The following CNTNAP2 variants were observed in gnomAD, a reference collection of about 807,000 sequenced individuals.
CNTNAP2 encodes contactin associated protein 2.
In CNTNAP2, 98 loss-of-function variants were observed where a neutral mutation model predicts 155.2. The ratio of observed to expected loss-of-function variants is 0.63; its 90% CI spans 0.54 to 0.75. The LOEUF is 0.75. CNTNAP2 is among the 30% of genes least tolerant of loss of function. CNTNAP2 has a pLI of 0.00. For missense variants in CNTNAP2, 1,727 were observed against 1,688.1 expected (o/e 1.02, Z -0.40); for synonymous variants, 651 against 631.2 (o/e 1.03, Z -0.47).
chr7:146,925,860 C>T (rs1337426024), intron 3 of CNTNAP2, among the ~76,000 whole-genome samples: 3 of 152,020 alleles, frequency 2.0e-5, no homozygotes, highest in East Asian at 1.9e-4. Context: ...AATAAGCTTC[C>T]GAACACACTG....
chr7:147,659,376 A>T (rs1006617906), intron 13 of CNTNAP2, among the ~76,000 whole-genome samples: 1 of 152,238 alleles, frequency 6.6e-6, no homozygotes, highest in Non-Finnish European at 1.5e-5. Flanking sequence ...TTCAATTTGA[A>T]ATTGACTGTG....
chr7:146,452,206 C>T (rs1413661244), intron 1 of CNTNAP2, among the ~76,000 whole-genome samples: 1 of 152,016 alleles, frequency 6.6e-6, no homozygotes, highest in Non-Finnish European at 1.5e-5. Context: ...TGCGCCCGGC[C>T]TCTTCTATAT....
intron 21 of CNTNAP2, among the ~76,000 whole-genome samples, chr7:148,348,379 T>A (rs1049171128): frequency 6.6e-6 from 1 of 152,248 alleles, no homozygotes; most frequent in African/African-American, 2.4e-5. Flanking sequence ...AGTGGATATT[T>A]TTGCAAGGAC....
Position 146,307,448 on chromosome 7 carries a change from G to A in CNTNAP2, c.97+190475G>A, listed in dbSNP as rs186694671. 7.8e-3 allele frequency among the ~76,000 whole-genome samples: 1,194 copies of A among 152,162 alleles called. 17 individuals carry two copies. Among genetic ancestry groups the A allele is most frequent in the South Asian group, 0.025 (122 of 4,822 alleles). ...CAATGCCATCCCCATCAAGCTACCA[G>A]TGACTTTCTTCACAGAACTTGAAAA... On this transcript the variant is annotated intron_variant, in intron 1 of 23. Transcript: ENST00000361727.
intron 3 of CNTNAP2, among the ~76,000 whole-genome samples, chr7:146,961,355 T>C (rs930371471): frequency 1.3e-5 from 2 of 152,176 alleles, no homozygotes; most frequent in African/African-American, 2.4e-5. Context: ...ATAACGCTGG[T>C]CAGGGTCTTG....
At chr7:148,360,228 T>C (rs755836301) in intron 21 of CNTNAP2, among the ~76,000 whole-genome samples, 1 of 152,132 alleles carries the variant, frequency 6.6e-6, no homozygotes, top group Non-Finnish European at 1.5e-5. Flanking sequence ...CAAGAACATA[T>C]TCTGCAACTA....
At chr7:148,019,828 T>C (rs13237695) in intron 15 of CNTNAP2, among the ~76,000 whole-genome samples, 93,934 of 151,582 alleles carry the variant, frequency 0.62, 29,505 homozygotes, top group East Asian at 0.83. Flanking sequence ...CTCTTGTCAC[T>C]CAGGCTGGAG....
intron 3 of CNTNAP2, among the ~76,000 whole-genome samples, chr7:146,963,683 AC>A (rs1283258676): frequency 6.6e-6 from 1 of 152,172 alleles, no homozygotes; most frequent in Non-Finnish European, 1.5e-5. Context: ...GTAAAAAAAA[AC>A]AAAATTTCAT....
At position 147,120,941 on chromosome 7, in the gene CNTNAP2, A is replaced by C. The variant is rs754672956; in HGVS notation, c.755-38A>C. On this transcript the variant is annotated intron_variant, in intron 5 of 23. Coordinates refer to ENST00000361727, the MANE Select transcript of CNTNAP2 (RefSeq NM_014141.6). ...TCTGCTTCACAGAGTTGGCCATAGC[A>C]TCATTGCATTGTTTCTTTTTCACTT... 62 of 1,599,772 alleles carry C rather than the reference A, an allele frequency of 3.9e-5. No homozygotes were observed. The South Asian group carries it at 6.6e-4, about 17-fold the overall frequency.
chr7:146,200,685 A>G (rs1038231450), intron 1 of CNTNAP2, among the ~76,000 whole-genome samples: 1 of 152,182 alleles, frequency 6.6e-6, no homozygotes, highest in Non-Finnish European at 1.5e-5. Flanking sequence ...AGGACATGCC[A>G]TATAGCCTAG....
chr7:146,630,204 A>G (rs966533636), intron 1 of CNTNAP2, among the ~76,000 whole-genome samples: 6 of 151,508 alleles, frequency 4.0e-5, no homozygotes, highest in East Asian at 1.9e-4. Context: ...TCATTGTTCA[A>G]CTCCCACTAA....
intron 9 of CNTNAP2, among the ~76,000 whole-genome samples, chr7:147,337,338 A>G (rs972464498): frequency 6.6e-6 from 1 of 152,068 alleles, no homozygotes; most frequent in Non-Finnish European, 1.5e-5. Flanking sequence ...TGGGTTTTAT[A>G]CCCAGGGGCA....
At chr7:146,202,415 C>CAT (rs1420282368) in intron 1 of CNTNAP2, among the ~76,000 whole-genome samples, 1 of 151,972 alleles carries the variant, frequency 6.6e-6, no homozygotes, top group Non-Finnish European at 1.5e-5. Context: ...TAGAAAATAT[C>CAT]ATATGTATCT....
intron 1 of CNTNAP2, among the ~76,000 whole-genome samples, chr7:146,233,505 T>A (rs1799420171): frequency 6.6e-6 from 1 of 152,062 alleles, no homozygotes; most frequent in South Asian, 2.1e-4. Context: ...AGGGTACATG[T>A]GCACAATGTG....
chr7:147,869,010 A>G (rs558442427), intron 13 of CNTNAP2, among the ~76,000 whole-genome samples: 2 of 152,322 alleles, frequency 1.3e-5, no homozygotes, highest in South Asian at 4.1e-4. Flanking sequence ...GCGATGAACC[A>G]GGTACTTCAG....
intron 4 of CNTNAP2, among the ~76,000 whole-genome samples, chr7:147,083,587 T>C (rs13312118): frequency 6.0e-4 from 86 of 144,432 alleles, no homozygotes; most frequent in African/African-American, 2.0e-3. Flanking sequence ...TATATATATA[T>C]ACACACACAC....
intron 15 of CNTNAP2, among the ~76,000 whole-genome samples, chr7:148,094,786 C>T (rs752658997): frequency 6.6e-6 from 1 of 152,182 alleles, no homozygotes; most frequent in Non-Finnish European, 1.5e-5. Flanking sequence ...CTCTTGCAAG[C>T]TTCTGGTAGG....
intron 3 of CNTNAP2, among the ~76,000 whole-genome samples, chr7:146,976,315 G>C (rs1797909607): frequency 6.6e-6 from 1 of 152,122 alleles, no homozygotes; most frequent in Admixed American, 6.5e-5. Flanking sequence ...GTTGCATTCT[G>C]ACCCTGTCTA....
chr7:146,895,845 G>A (rs948787393), intron 3 of CNTNAP2, among the ~76,000 whole-genome samples: 10 of 151,990 alleles, frequency 6.6e-5, no homozygotes, highest in African/African-American at 1.7e-4. Context: ...TTCAGTCCCC[G>A]ACGGCATAAA....
Sources: allele counts gnomAD v4.1 joint callset (sites outside exome capture counted in the v4.1 genomes callset), GRCh38; gene constraint gnomAD v4.1.1; transcripts MANE v1.5; gene names NCBI Gene and HGNC (gene_info 2026-07-23, HGNC 2026-07-21).